The following PDE5A variants were observed in gnomAD, a reference collection of about 807,000 sequenced individuals.
PDE5A encodes the protein cGMP-specific 3',5'-cyclic phosphodiesterase.
In PDE5A, 67 loss-of-function variants were observed where a neutral mutation model predicts 110.2. The observed-to-expected ratio is 0.61, with a 90% CI of 0.50 to 0.75. The LOEUF is 0.75. Ranked by LOEUF, PDE5A falls within the 30% of genes least tolerant of loss-of-function variation. The probability of loss-of-function intolerance (pLI) is 0.00; values close to 1 mark genes in which losing one functional copy is unlikely to be tolerated. For synonymous variants in PDE5A, 328 were observed against 351.2 expected (o/e 0.93, Z 0.74); for missense variants, 862 against 1,045.1 (o/e 0.82, Z 2.42).
At chr4:119,573,381 G>C (rs777395143) in intron 3 of PDE5A, among the ~76,000 whole-genome samples, 1 of 152,108 alleles carries the variant, frequency 6.6e-6, no homozygotes. Context: ...AATCTGATGG[G>C]CATAAAATTG....
intron 3 of PDE5A, among the ~76,000 whole-genome samples, chr4:119,592,231 G>A (rs1289033497): frequency 6.6e-5 from 10 of 150,708 alleles, no homozygotes; most frequent in South Asian, 2.1e-4. Context: ...TGAGGTGGGC[G>A]GATCACAAGG....
chr4:119,618,178 G>A (rs1351263882), intron 1 of PDE5A, among the ~76,000 whole-genome samples: 1 of 152,100 alleles, frequency 6.6e-6, no homozygotes, highest in Non-Finnish European at 1.5e-5. Context: ...GTAAAATGGA[G>A]ATCATGATAA....
chr4:119,592,412 C>A (rs1434316199), intron 3 of PDE5A, among the ~76,000 whole-genome samples: 4 of 137,478 alleles, frequency 2.9e-5, no homozygotes, highest in Non-Finnish European at 4.6e-5. Flanking sequence ...GAGCCGAGAT[C>A]GCACCACTGC....
chr4:119,532,972 A>G (rs1726599918), intron 11 of PDE5A, among the ~76,000 whole-genome samples: 1 of 152,218 alleles, frequency 6.6e-6, no homozygotes, highest in Non-Finnish European at 1.5e-5. Context: ...GCCAACTGCT[A>G]AGAAAAGAAA....
In PDE5A at chr4:119,525,102, T is replaced by G. The variant is rs139238719; in HGVS notation, c.1779+447A>C. 6.6e-6 allele frequency among the ~76,000 whole-genome samples: 1 copy of G among 152,126 alleles called. No homozygotes were observed. Among genetic ancestry groups the G allele is most frequent in the African/African-American group, 2.4e-5 (1 of 41,430 alleles). ...TATTGTTATAACCATTGCAGTGAGA[T>G]CATGCTACTTCTCTGCATAAAATTC... On this transcript the variant is annotated intron_variant, in intron 12 of 20. Coordinates refer to ENST00000354960, the MANE Select transcript of PDE5A (RefSeq NM_001083.4). This position sits in a 1 kb window ranked among gnomAD's most constrained non-coding sequence, Gnocchi z 4.3.
At chr4:119,590,290 T>C (rs1016901331) in intron 3 of PDE5A, among the ~76,000 whole-genome samples, 15 of 152,198 alleles carry the variant, frequency 9.9e-5, no homozygotes, top group African/African-American at 3.6e-4. Flanking sequence ...ATATCACACA[T>C]GTTTACTGTC....
chr4:119,598,438 T>G (rs1229950190), intron 2 of PDE5A, among the ~76,000 whole-genome samples: 5 of 152,026 alleles, frequency 3.3e-5, no homozygotes, highest in Admixed American at 3.3e-4. Context: ...CATAAAGGAG[T>G]TCTAACCCCT....
chr4:119,496,227 T>C lies in PDE5A; in HGVS notation c.*2374A>G, dbSNP rs1725066466. The C allele has an allele frequency of 6.6e-6, 1 of 152,156 alleles. No homozygotes were observed. Among genetic ancestry groups the C allele is most frequent in the African/African-American group, 2.4e-5 (1 of 41,458 alleles). 9.4% of individuals were successfully genotyped at this position (152,156 alleles called of 1,614,324 possible). ...ACAAAAAATCTAGAACAAGAACTTC[T>C]TGCTAGTTATGGGTAATATAAATAC... On this transcript the variant is annotated 3_prime_UTR_variant, in exon 21 of 21. Coordinates refer to ENST00000354960, the MANE Select transcript of PDE5A (RefSeq NM_001083.4).
At chr4:119,547,360 A>G (rs1727169201) in intron 9 of PDE5A, among the ~76,000 whole-genome samples, 1 of 151,484 alleles carries the variant, frequency 6.6e-6, no homozygotes, top group Admixed American at 6.6e-5. Context: ...TTGGAGGTTC[A>G]TCTATTATTA....
At chr4:119,581,466 C>A (rs1728588094) in intron 3 of PDE5A, among the ~76,000 whole-genome samples, 1 of 152,122 alleles carries the variant, frequency 6.6e-6, no homozygotes, top group African/African-American at 2.4e-5. Context: ...TACATAATTT[C>A]TTTACATTCT....
chr4:119,550,982 AC>A (rs1423053818), intron 9 of PDE5A, among the ~76,000 whole-genome samples: 2 of 152,122 alleles, frequency 1.3e-5, no homozygotes, highest in African/African-American at 4.8e-5. Flanking sequence ...ATTAGCCTCC[AC>A]TTTTTTCTCT....
chr4:119,606,582 A>T lies in PDE5A; in HGVS notation c.741+127T>A, dbSNP rs576374042. 104 of 657,748 alleles carry T rather than the reference A, an allele frequency of 1.6e-4. No homozygotes were observed. In the African/African-American group the frequency reaches 1.7e-3, roughly 11 times the overall value. The allele number at this position is 657,748 out of a possible 1,614,324, so 40.7% of individuals were successfully genotyped here. ...ATTCCAGTTTTAAATAAGTATGCAA[A>T]TTATTACATCTCAGTTTCAAATATC... On this transcript the variant is annotated intron_variant, in intron 2 of 20. Transcript: ENST00000354960.
At chr4:119,516,909 G>A (rs1432545116) in intron 14 of PDE5A, among the ~76,000 whole-genome samples, 20 of 152,156 alleles carry the variant, frequency 1.3e-4, no homozygotes, top group South Asian at 6.2e-4. Flanking sequence ...GTGAGCCACC[G>A]CGCCCAGCCC....
intron 3 of PDE5A, among the ~76,000 whole-genome samples, chr4:119,582,048 A>T (rs1401693350): frequency 6.6e-6 from 1 of 152,198 alleles, no homozygotes; most frequent in African/African-American, 2.4e-5. Context: ...ATAAGACAAC[A>T]ATGAAGTTGC....
chr4:119,597,702 T>C (rs1729200117), intron 2 of PDE5A, among the ~76,000 whole-genome samples: 1 of 152,118 alleles, frequency 6.6e-6, no homozygotes, highest in Non-Finnish European at 1.5e-5. Context: ...CATCTTTTGA[T>C]GAGCTTTGAA....
At position 119,562,824 on chromosome 4, in the gene PDE5A, T is replaced by G. The variant is rs1333539211; in HGVS notation, c.1131+9A>C. ...TTCTAAAAATAAAAAAGTCATACTCTGTACTCACGGAGCAATCTTCATCCA... is the reference window on the plus strand; with the variant it reads ...TTCTAAAAATAAAAAAGTCATACTCGGTACTCACGGAGCAATCTTCATCCA... On this transcript the variant is annotated intron_variant, in intron 6 of 20. Coordinates refer to ENST00000354960, the MANE Select transcript of PDE5A (RefSeq NM_001083.4). 1.3e-6 allele frequency: 2 copies of G among 1,553,482 alleles called. No individual in the cohort carries two copies. Among genetic ancestry groups the G allele is most frequent in the Non-Finnish European group, 8.6e-7 (1 of 1,156,178 alleles).
intron 1 of PDE5A, among the ~76,000 whole-genome samples, chr4:119,622,113 G>A (rs1730168817): frequency 6.6e-6 from 1 of 151,680 alleles, no homozygotes; most frequent in Non-Finnish European, 1.5e-5. Context: ...AGCGGAGCTT[G>A]TGGTGAGCCG....
rs1007710215 is a variant in PDE5A at position 119,518,410 on chromosome 4, C to T, written c.2000+635G>A. Among the ~76,000 whole-genome samples, 12 of 152,316 alleles carry T rather than the reference C, an allele frequency of 7.9e-5. 1 individual carries two copies. In the South Asian group the frequency reaches 1.4e-3, roughly 18 times the overall value. ...TAAAGGAGCCTGACACTTGTCCTAA[C>T]GGATAGTGTCTCACTCTCAAACTCA... On this transcript the variant is annotated intron_variant, in intron 14 of 20. Transcript: ENST00000354960.
chr4:119,592,456 TAAAAA>T (rs55997249), intron 3 of PDE5A, among the ~76,000 whole-genome samples: 27 of 66,184 alleles, frequency 4.1e-4, no homozygotes, highest in African/African-American at 1.0e-3. Context: ...AGACTCTGTT[TAAAAA>T]AAAAAAAAAA....
Sources: gnomAD v4.1 joint callset for allele counts (sites outside exome capture counted in the v4.1 genomes callset) on GRCh38, gnomAD v4.1.1 for gene constraint, Gnocchi (gnomAD v3.1) non-coding constraint, MANE v1.5 for transcripts, NCBI Gene and HGNC (gene_info 2026-07-23, HGNC 2026-07-21) for gene names.